MIS18A: variants seen among roughly 807,000 people sequenced by gnomAD.
The protein encoded by MIS18A is MIS18 kinetochore protein A.
In MIS18A, 14 loss-of-function variants were observed where a neutral mutation model predicts 25.0. The observed-to-expected ratio is 0.56, with a 90% CI of 0.37 to 0.88. MIS18A has a LOEUF of 0.88. MIS18A is among the 40% of genes least tolerant of loss of function. The pLI is 0.00. For synonymous variants in MIS18A, 134 were observed against 118.6 expected, an observed-to-expected ratio of 1.13 and a Z score of -0.84; for missense variants, 292 against 290.8, an observed-to-expected ratio of 1.00 and a Z score of -0.03.
rs1021713961 is a variant in MIS18A at position 32,268,765 on chromosome 21, A to G, written c.*272T>C. On this transcript the variant is annotated 3_prime_UTR_variant, in exon 5 of 5. Coordinates refer to ENST00000290130, the MANE Select transcript of MIS18A (RefSeq NM_018944.3). ...AACAATCACTTCTTTATCATAAAAT[A>G]TAGCTATAGAAGTAATTCTACAATT... The G allele has an allele frequency of 2.2e-5, 6 of 273,386 alleles. No homozygotes were observed. The highest frequency in any genetic ancestry group is 4.1e-5 in the Non-Finnish European group (6 of 146,492). The allele number at this position is 273,386 out of a possible 1,614,324, so 16.9% of individuals were successfully genotyped here.
chr21:32,245,601 G>A, the MIS18A span, among the ~76,000 whole-genome samples: 423 of 152,348 alleles, frequency 2.8e-3, 2 homozygotes, highest in African/African-American at 9.3e-3. Flanking sequence ...GGACTTCCAA[G>A]ACAAGGAGGC....
the MIS18A span, among the ~76,000 whole-genome samples, chr21:32,197,370 A>AC: frequency 6.6e-6 from 1 of 152,206 alleles, no homozygotes; most frequent in East Asian, 1.9e-4. Flanking sequence ...TGACATTTAG[A>AC]CATTCACTGC....
At chr21:32,199,849 T>C in the MIS18A span, among the ~76,000 whole-genome samples, 7 of 151,956 alleles carry the variant, frequency 4.6e-5, no homozygotes, top group Middle Eastern at 3.4e-3. Context: ...AAAAAAGAAA[T>C]ACAGTCTTGG....
At chr21:32,241,928 G>T in the MIS18A span, among the ~76,000 whole-genome samples, 2 of 152,226 alleles carry the variant, frequency 1.3e-5, no homozygotes, top group Non-Finnish European at 2.9e-5. Context: ...GCCCAGGCTG[G>T]AGTGCAGTGG....
At chr21:32,193,304 T>C in the MIS18A span, among the ~76,000 whole-genome samples, 1 of 152,134 alleles carries the variant, frequency 6.6e-6, no homozygotes, top group Admixed American at 6.5e-5. Context: ...CAAAGGACTG[T>C]GTTCGTGGGT....
At chr21:32,195,742 AG>A in the MIS18A span, among the ~76,000 whole-genome samples, 38 of 152,236 alleles carry the variant, frequency 2.5e-4, no homozygotes, top group South Asian at 7.9e-3. Flanking sequence ...TATCTGGGCA[AG>A]GCACAGTGGC....
At chr21:32,170,823 T>A in the MIS18A span, among the ~76,000 whole-genome samples, 1 of 152,028 alleles carries the variant, frequency 6.6e-6, no homozygotes, top group Non-Finnish European at 1.5e-5. Context: ...AAGGTTAGTT[T>A]AATACCCAAA....
At chr21:32,218,035 T>C in the MIS18A span, among the ~76,000 whole-genome samples, 1 of 150,684 alleles carries the variant, frequency 6.6e-6, no homozygotes, top group East Asian at 1.9e-4. Flanking sequence ...CTACTAAAAA[T>C]ATAAAAAATT....
chr21:32,166,287 T>C, the MIS18A span, among the ~76,000 whole-genome samples: 1 of 152,140 alleles, frequency 6.6e-6, no homozygotes, highest in African/African-American at 2.4e-5. Context: ...TCTCAGGAGG[T>C]AATGCAGACA....
chr21:32,222,071 G>A, the MIS18A span, among the ~76,000 whole-genome samples: 1 of 151,716 alleles, frequency 6.6e-6, no homozygotes, highest in Non-Finnish European at 1.5e-5. Flanking sequence ...GACACATATA[G>A]GCTCAAAACT....
the MIS18A span, among the ~76,000 whole-genome samples, chr21:32,194,505 C>G: frequency 3.3e-5 from 5 of 151,772 alleles, no homozygotes; most frequent in Admixed American, 6.6e-5. Context: ...ACTAAAAATA[C>G]GAAATTAGCC....
chr21:32,191,489 G>C, the MIS18A span, among the ~76,000 whole-genome samples: 2 of 152,194 alleles, frequency 1.3e-5, no homozygotes, highest in Admixed American at 1.3e-4. Flanking sequence ...CTACTAAAGA[G>C]GCTGAGGCGG....
the MIS18A span, among the ~76,000 whole-genome samples, chr21:32,247,343 G>A: frequency 6.6e-6 from 1 of 152,192 alleles, no homozygotes. Context: ...TTGGGGAAAA[G>A]GAGTTCCTTA....
chr21:32,277,786 G>C (rs1426800373), intron 1 of MIS18A: 1 of 152,128 alleles, frequency 6.6e-6, no homozygotes, highest in East Asian at 1.9e-4. Context: ...GCTCGGCCTG[G>C]TTTGATTTTG....
At chr21:32,206,871 C>G in the MIS18A span, among the ~76,000 whole-genome samples, 1 of 152,296 alleles carries the variant, frequency 6.6e-6, no homozygotes, top group Non-Finnish European at 1.5e-5. Context: ...GCCCAGCACC[C>G]ACACTACACC....
At chr21:32,198,220 GC>G in the MIS18A span, among the ~76,000 whole-genome samples, 1 of 152,190 alleles carries the variant, frequency 6.6e-6, no homozygotes, top group African/African-American at 2.4e-5. Context: ...AGGAAAGAGG[GC>G]CTGGGAAGGG....
At chr21:32,230,358 T>C in the MIS18A span, among the ~76,000 whole-genome samples, 2 of 152,216 alleles carry the variant, frequency 1.3e-5, no homozygotes, top group Non-Finnish European at 2.9e-5. Flanking sequence ...TCCTCATCTA[T>C]AAAATGGATT....
the MIS18A span, among the ~76,000 whole-genome samples, chr21:32,229,169 C>A: frequency 1.3e-5 from 2 of 152,098 alleles, no homozygotes; most frequent in Admixed American, 1.3e-4. Context: ...CCTGTGTTAA[C>A]TGGATATATG....
At chr21:32,192,065 GAT>G in the MIS18A span, among the ~76,000 whole-genome samples, 1 of 152,182 alleles carries the variant, frequency 6.6e-6, no homozygotes, top group African/African-American at 2.4e-5. Context: ...AGGAAGGGAA[GAT>G]ATCTCACCAA....
Sources: gnomAD v4.1 joint callset for allele counts (sites outside exome capture counted in the v4.1 genomes callset) on GRCh38, gnomAD v4.1.1 for gene constraint, MANE v1.5 for transcripts, NCBI Gene and HGNC (gene_info 2026-07-23, HGNC 2026-07-21) for gene names.